ENOPH1: variants seen among roughly 807,000 people sequenced by gnomAD.
ENOPH1 encodes the protein enolase-phosphatase 1.
ENOPH1 carries 14 observed loss-of-function variants against 31.1 expected under a neutral mutation model. The observed-to-expected ratio is 0.45, with a 90% CI of 0.30 to 0.70. The LOEUF (loss-of-function observed/expected upper bound fraction) is 0.70. Ranked by LOEUF, ENOPH1 falls within the 30% of genes least tolerant of loss-of-function variation. The pLI is 0.09. For missense variants in ENOPH1, 243 were observed against 321.5 expected (o/e 0.76, Z 1.87); for synonymous variants, 127 against 123.2 (o/e 1.03, Z -0.21).
Position 82,461,083 on chromosome 4 carries a change from C to T in ENOPH1, c.*963C>T, listed in dbSNP as rs1461836045. On this transcript the variant is annotated 3_prime_UTR_variant, in exon 6 of 6. Transcript: ENST00000273920. ...GTTGTGATTAATAAAAGCATTTTTT[C>T]TTCACTCAGTTTTATATAGGTTCCT... The T allele has an allele frequency of 6.6e-6, 1 of 152,076 alleles. No individual in the cohort carries two copies. The highest frequency in any genetic ancestry group is 1.5e-5 in the Non-Finnish European group (1 of 67,984). The allele number at this position is 152,076 out of a possible 1,614,324, so 9.4% of individuals were successfully genotyped here.
intron 1 of ENOPH1, among the ~76,000 whole-genome samples, chr4:82,433,606 TG>T (rs1721832142): frequency 6.6e-6 from 1 of 152,344 alleles, no homozygotes; most frequent in East Asian, 1.9e-4. Context: ...TAGGTCTGTG[TG>T]GATGTTTATG....
chr4:82,460,033 A>G lies in ENOPH1; in HGVS notation c.699A>G (p.Pro233=), dbSNP rs1722604981. Residue 233 remains proline, a synonymous_variant, in exon 6 of 6, where the codon CCA becomes CCG. Coordinates refer to ENST00000273920, the MANE Select transcript of ENOPH1 (RefSeq NM_021204.5). ...ADVHVAVVVR[P]GNAGLTDDEK... ...TGCACGTAGCTGTGGTGGTGAGACC[A>G]GGCAACGCAGGATTAACAGATGATG... 1.2e-6 allele frequency: 2 copies of G among 1,614,178 alleles called. No homozygotes were observed. The highest frequency in any genetic ancestry group is 1.3e-5 in the African/African-American group (1 of 75,054).
chr4:82,452,751 T>A (rs1228329605), intron 3 of ENOPH1, among the ~76,000 whole-genome samples: 1 of 152,046 alleles, frequency 6.6e-6, no homozygotes, highest in African/African-American at 2.4e-5. Context: ...CACACCTGGC[T>A]AATTTTTTGT....
At position 82,442,306 on chromosome 4, in the gene ENOPH1, G is replaced by C. The variant is rs114432761; in HGVS notation, c.85-5614G>C. 8.4e-3 allele frequency among the ~76,000 whole-genome samples: 1,275 copies of C among 152,244 alleles called. 22 individuals carry two copies. The highest frequency in any genetic ancestry group is 0.029 in the African/African-American group (1,196 of 41,514). Reference sequence around the variant, plus strand: ...GGCCAAGATGCGGGGGATCATCAGAGGTCAGGAGTTCGAGACCAGCCTGGC... The same window carrying C: ...GGCCAAGATGCGGGGGATCATCAGACGTCAGGAGTTCGAGACCAGCCTGGC... On this transcript the variant is annotated intron_variant, in intron 1 of 5. Coordinates refer to ENST00000273920, the MANE Select transcript of ENOPH1 (RefSeq NM_021204.5).
Position 82,430,748 on chromosome 4 carries a change from G to T in ENOPH1, c.-82G>T. Reference sequence around the variant, plus strand: ...GCGGGGCCGCCGGAAGCCCAAGACGGTACCGGGGGCCGCAGCCGCAGCCGG... The same window carrying T: ...GCGGGGCCGCCGGAAGCCCAAGACGTTACCGGGGGCCGCAGCCGCAGCCGG... On this transcript the variant is annotated 5_prime_UTR_variant, in exon 1 of 6. Coordinates refer to ENST00000273920, the MANE Select transcript of ENOPH1 (RefSeq NM_021204.5). The T allele has an allele frequency of 7.3e-7, 1 of 1,372,392 alleles. No individual in the cohort carries two copies. Among genetic ancestry groups the T allele is most frequent in the Non-Finnish European group, 1.0e-6 (1 of 966,572 alleles). 85.0% of individuals were successfully genotyped at this position (1,372,392 alleles called of 1,614,324 possible). A position where few individuals can be genotyped will look rare whatever the true frequency, so the allele number is the denominator to read the frequency against.
chr4:82,445,838 G>A (rs1306255942), intron 1 of ENOPH1, among the ~76,000 whole-genome samples: 1 of 152,212 alleles, frequency 6.6e-6, no homozygotes, highest in African/African-American at 2.4e-5. Flanking sequence ...TTATAGATGA[G>A]GAGAGGGGCA....
At chr4:82,457,938 G>A (rs1722532784) in intron 5 of ENOPH1, among the ~76,000 whole-genome samples, 1 of 152,176 alleles carries the variant, frequency 6.6e-6, no homozygotes, top group African/African-American at 2.4e-5. Flanking sequence ...TTCCTCAGTT[G>A]CAATTGTAGA....
intron 1 of ENOPH1, among the ~76,000 whole-genome samples, chr4:82,445,744 C>G (rs1722158893): frequency 6.6e-6 from 1 of 152,180 alleles, no homozygotes; most frequent in African/African-American, 2.4e-5. Flanking sequence ...TGCCCAGCAG[C>G]AAATAATATT....
At chr4:82,450,078 CTG>C (rs944381635) in intron 2 of ENOPH1, among the ~76,000 whole-genome samples, 3 of 152,178 alleles carry the variant, frequency 2.0e-5, no homozygotes, top group African/African-American at 7.2e-5. Context: ...GGAATGCTCT[CTG>C]TGGATGTTTT....
intron 1 of ENOPH1, among the ~76,000 whole-genome samples, chr4:82,444,205 G>C (rs1722120904): frequency 6.6e-6 from 1 of 151,746 alleles, no homozygotes; most frequent in Non-Finnish European, 1.5e-5. Context: ...TCTTTATGTA[G>C]CTGTACTCTC....
At chr4:82,437,985 C>G (rs1454684290) in intron 1 of ENOPH1, among the ~76,000 whole-genome samples, 1 of 152,116 alleles carries the variant, frequency 6.6e-6, no homozygotes, top group Non-Finnish European at 1.5e-5. Flanking sequence ...AATTCATTGA[C>G]TCAACATTTC....
rs149795346 is a variant in ENOPH1 at position 82,451,055 on chromosome 4, G to T, written c.199G>T (p.Ala67Ser). Residue 67 changes from alanine (A) to serine (S), a missense_variant, in exon 3 of 6, where the codon GCC (alanine) becomes TCC (serine). Coordinates refer to ENST00000273920, the MANE Select transcript of ENOPH1 (RefSeq NM_021204.5). ...TTCTGACTTAAAGGCTGAAGAGGAC[G>T]CCCACCTGGATGGGGCTGTTCCTAT... ...SLLRKQAEED[A>S]HLDGAVPIPA... 1 of 1,613,742 alleles carries T rather than the reference G, an allele frequency of 6.2e-7. No homozygotes were observed.
chr4:82,436,163 C>T (rs34386465), intron 1 of ENOPH1, among the ~76,000 whole-genome samples: 9,410 of 152,168 alleles, frequency 0.062, 322 homozygotes, highest in Admixed American at 0.089. Flanking sequence ...AAAAATAAGA[C>T]GCAGGATATT....
rs115359118 is a variant in ENOPH1, at chr4:82,443,100, C to T, written c.85-4820C>T. On this transcript the variant is annotated intron_variant, in intron 1 of 5. Transcript: ENST00000273920. ...GGACTACAGGCGGAGCCACCGCGCC[C>T]GGGCGTATGTCTCTATTAATGTTAG... is the stretch of plus-strand genomic sequence containing the variant. 1.7e-3 allele frequency among the ~76,000 whole-genome samples: 260 copies of T among 152,178 alleles called. 1 individual carries two copies. The highest frequency in any genetic ancestry group is 5.8e-3 in the African/African-American group (241 of 41,540).
chr4:82,448,257 TTTTGTTTTTTTTG>T (rs1722248178), intron 2 of ENOPH1, among the ~76,000 whole-genome samples: 1 of 131,204 alleles, frequency 7.6e-6, no homozygotes. Flanking sequence ...TTTTGTTTTG[TTTTGTTTTTTTTG>T]TTTTTTTTTG....
At chr4:82,458,784 T>C (rs2110048887) in intron 5 of ENOPH1, among the ~76,000 whole-genome samples, 1 of 152,318 alleles carries the variant, frequency 6.6e-6, no homozygotes, top group Non-Finnish European at 1.5e-5. Context: ...GGAAGATAGC[T>C]GCCTTTCTCC....
intron 1 of ENOPH1, among the ~76,000 whole-genome samples, chr4:82,437,609 T>C (rs10516674): frequency 0.11 from 17,202 of 152,278 alleles, 2,181 homozygotes; most frequent in African/African-American, 0.31. Context: ...CCTCTTCTTG[T>C]AAAGGACCTA....
At position 82,430,656 on chromosome 4, in the gene ENOPH1, C is replaced by T. The variant is rs1169573317; in HGVS notation, c.-174C>T. 1.7e-6 allele frequency: 1 copy of T among 594,902 alleles called. No individual in the cohort carries two copies. Among genetic ancestry groups the T allele is most frequent in the East Asian group, 2.9e-5 (1 of 35,062 alleles). 36.9% of individuals were successfully genotyped at this position (594,902 alleles called of 1,614,324 possible). ...CCTGGGCGGCCGCCTTTTCCAGTTC[C>T]AGGTGTGCAGAAGTGTCCTCTCCCC... On this transcript the variant is annotated 5_prime_UTR_variant, in exon 1 of 6. Coordinates refer to ENST00000273920, the MANE Select transcript of ENOPH1 (RefSeq NM_021204.5).
chr4:82,444,206 C>T (rs1438102069), intron 1 of ENOPH1, among the ~76,000 whole-genome samples: 1 of 151,654 alleles, frequency 6.6e-6, no homozygotes. Flanking sequence ...CTTTATGTAG[C>T]TGTACTCTCA....
Sources: allele counts gnomAD v4.1 joint callset (sites outside exome capture counted in the v4.1 genomes callset), GRCh38; gene constraint gnomAD v4.1.1; transcripts MANE v1.5; gene names NCBI Gene and HGNC (gene_info 2026-07-23, HGNC 2026-07-21).